The following NCF2 variants were observed in gnomAD, a reference collection of about 807,000 sequenced individuals.
NCF2 encodes neutrophil cytosol factor 2.
NCF2 carries 45 observed loss-of-function variants against 70.9 expected under a neutral mutation model. That is an observed-to-expected ratio of 0.63 (90% confidence interval 0.50 to 0.81). The LOEUF is 0.81. NCF2 is among the 40% of genes least tolerant of loss of function. The pLI is 0.00. For missense variants in NCF2, 522 were observed against 631.6 expected (o/e 0.83, Z 1.86); for synonymous variants, 203 against 233.6 (o/e 0.87, Z 1.19).
intron 2 of NCF2, among the ~76,000 whole-genome samples, chr1:183,582,990 G>A (rs1311138383): frequency 1.3e-5 from 2 of 151,922 alleles, no homozygotes; most frequent in East Asian, 3.9e-4. Flanking sequence ...GGAAATAGAG[G>A]GGGAAAAACC....
Position 183,588,722 on chromosome 1 carries a change from G to A in NCF2, c.174+1434C>T, listed in dbSNP as rs377274027. On this transcript the variant is annotated intron_variant, in intron 1 of 14. Transcript: ENST00000367535. ...GAATGCATATAAATGCTAGTAGGAA[G>A]GGCTCAAGCAGGAAAACAAAGAAAG... Among the ~76,000 whole-genome samples, 17 of 152,244 alleles carry A rather than the reference G, an allele frequency of 1.1e-4. 1 individual carries two copies. The East Asian group carries it at 2.5e-3, about 22-fold the overall frequency.
At chr1:183,574,354 A>G in intron 4 of NCF2, 133 bp downstream of exon 4, 1 of 1,309,788 alleles carries the variant, frequency 7.6e-7, no homozygotes, top group Non-Finnish European at 1.1e-6. Flanking sequence ...GTGGAACTAT[A>G]CCCTAAGATC....
intron 14 of NCF2, among the ~76,000 whole-genome samples, chr1:183,559,097 A>G (rs1441970532): frequency 6.6e-6 from 1 of 152,194 alleles, no homozygotes; most frequent in Non-Finnish European, 1.5e-5. Flanking sequence ...GAAACTTGGT[A>G]GAAATGCAAG....
rs554005946 is a variant in NCF2, at chr1:183,567,219, G to C, written c.840C>G (p.Val280=). 1.3e-5 allele frequency: 21 copies of C among 1,614,094 alleles called. No homozygotes were observed. In the South Asian group the frequency reaches 2.2e-4, roughly 17 times the overall value. Reference sequence around the variant, plus strand: ...CTCTGCATACCTGCCCGTTGAACATGACCGTGGCCCAGTTATCATTGCCCT... The same window carrying C: ...CTCTGCATACCTGCCCGTTGAACATCACCGTGGCCCAGTTATCATTGCCCT... The part of the protein sequence containing the change: ...LKKGNDNWAT[V]MFNGQKGLVP... Residue 280 remains valine, a synonymous_variant, in exon 8 of 15, where the codon GTC becomes GTG. Transcript: ENST00000367535.
At chr1:183,591,200 C>T (rs528707670), upstream of NCF2, among the ~76,000 whole-genome samples, 9 of 152,342 alleles carry the variant, frequency 5.9e-5, no homozygotes, top group African/African-American at 1.9e-4. Context: ...GTGTGGCCCA[C>T]TGAGGCCTGG....
intron 13 of NCF2, among the ~76,000 whole-genome samples, chr1:183,561,962 T>G (rs1216694527): frequency 6.6e-6 from 1 of 151,816 alleles, no homozygotes; most frequent in East Asian, 1.9e-4. Context: ...ACCCAGCTAA[T>G]TTTTGTATTT....
intron 2 of NCF2, among the ~76,000 whole-genome samples, chr1:183,583,018 C>T (rs1196226776): frequency 6.6e-6 from 1 of 152,100 alleles, no homozygotes; most frequent in African/African-American, 2.4e-5. Context: ...ATAACATTAT[C>T]AGCCTTAAAC....
rs1418866313 is a variant in NCF2, at chr1:183,555,898, A to C, written c.*220T>G. 1.7e-6 allele frequency: 1 copy of C among 601,394 alleles called. No individual in the cohort carries two copies. The highest frequency in any genetic ancestry group is 3.0e-6 in the Non-Finnish European group (1 of 336,964). The allele number at this position is 601,394 out of a possible 1,614,324, so 37.3% of individuals were successfully genotyped here. ...TTCCATCCACTTTTCCTCTCCCCTA[A>C]CTCCTCCATTCACCTGTCCCCATCT... On this transcript the variant is annotated 3_prime_UTR_variant, in exon 15 of 15. Transcript: ENST00000367535.
intron 2 of NCF2, among the ~76,000 whole-genome samples, chr1:183,586,042 A>G (rs1673333364): frequency 6.6e-6 from 1 of 152,218 alleles, no homozygotes; most frequent in Admixed American, 6.5e-5. Flanking sequence ...CTGTTTTTAA[A>G]TTTAACATCT....
chr1:183,583,286 T>G (rs929373124), intron 2 of NCF2, among the ~76,000 whole-genome samples: 2 of 152,174 alleles, frequency 1.3e-5, no homozygotes, highest in Non-Finnish European at 2.9e-5. Context: ...ACTCTTGACC[T>G]CAGGTGATCC....
chr1:183,563,701 G>T, intron 11 of NCF2, 116 bp from the exon 12 acceptor site: 2 of 1,304,524 alleles, frequency 1.5e-6, no homozygotes, highest in South Asian at 2.4e-5. Context: ...CAGGGGAGAG[G>T]CCAGTAAGTA....
At chr1:183,558,592 G>A (rs375291905) in intron 14 of NCF2, among the ~76,000 whole-genome samples, 14 of 150,988 alleles carry the variant, frequency 9.3e-5, no homozygotes, top group African/African-American at 3.2e-4. Flanking sequence ...TTAAGACAGA[G>A]TCTCGCTCTG....
chr1:183,579,325 T>G (rs973262725), intron 2 of NCF2, among the ~76,000 whole-genome samples: 1 of 152,202 alleles, frequency 6.6e-6, no homozygotes, highest in Non-Finnish European at 1.5e-5. Flanking sequence ...GGATCCCACT[T>G]CTGGAGTCAA....
At position 183,556,209 on chromosome 1, in the gene NCF2, C is replaced by T. The variant is rs749546475; in HGVS notation, c.1490G>A (p.Gly497Glu). Residue 497 changes from glycine to glutamate, a missense_variant, in exon 15 of 15, where the codon GGG becomes GAG. Transcript: ENST00000367535. ...LSKVNEEWLE[G>E]ECKGKVGIFP... ...AATGCCCACCTTCCCTTTGCACTCC[C>T]CTTCCAGCCATTCTTCATTCACTGA... 2.5e-6 allele frequency: 4 copies of T among 1,614,144 alleles called. No homozygotes were observed. Among genetic ancestry groups the T allele is most frequent in the South Asian group, 1.1e-5 (1 of 91,076 alleles).
At chr1:183,596,574 C>T in the NCF2 span, among the ~76,000 whole-genome samples, 2 of 151,902 alleles carry the variant, frequency 1.3e-5, no homozygotes, top group East Asian at 1.9e-4. Context: ...GAGTTGGAGA[C>T]CAGCCTGACC....
chr1:183,559,670 T>C (rs1356309379), intron 14 of NCF2, among the ~76,000 whole-genome samples: 1 of 152,062 alleles, frequency 6.6e-6, no homozygotes, highest in African/African-American at 2.4e-5. Context: ...ACCAGCCTGG[T>C]CAACATGGCA....
intron 9 of NCF2, among the ~76,000 whole-genome samples, chr1:183,566,413 A>T (rs1405007870): frequency 6.6e-6 from 1 of 152,090 alleles, no homozygotes; most frequent in African/African-American, 2.4e-5. Context: ...TCATTTTATT[A>T]TTTTTATTTG....
chr1:183,561,826 ATCTC>A (rs1572149187), intron 13 of NCF2, among the ~76,000 whole-genome samples: 2 of 115,246 alleles, frequency 1.7e-5, no homozygotes, highest in African/African-American at 3.7e-5. Context: ...TTGAGGCAGA[ATCTC>A]TCTGTCACCC....
the NCF2 span, among the ~76,000 whole-genome samples, chr1:183,598,842 G>T: frequency 7.2e-5 from 11 of 152,262 alleles, no homozygotes; most frequent in Admixed American, 1.3e-4. Flanking sequence ...ACCAGGAATC[G>T]ATAGAATTTG....
Sources: allele counts gnomAD v4.1 joint callset (sites outside exome capture counted in the v4.1 genomes callset), GRCh38; gene constraint gnomAD v4.1.1; transcripts MANE v1.5; gene names NCBI Gene and HGNC (gene_info 2026-07-23, HGNC 2026-07-21).